Variants in TSHR observed in about 807,000 individuals in gnomAD.
TSHR encodes the protein thyroid stimulating hormone receptor.
TSHR carries 51 observed loss-of-function variants against 64.1 expected under a neutral mutation model. The observed-to-expected ratio is 0.80, with a 90% confidence interval of 0.64 to 1.01. TSHR has a LOEUF of 1.01. TSHR is among the 50% of genes least tolerant of loss of function. The pLI, the probability that TSHR is intolerant of heterozygous loss-of-function variation, is 0.00. For missense variants in TSHR, 877 were observed against 942.8 expected (o/e 0.93, Z 0.91); for synonymous variants, 361 against 361.9 (o/e 1.00, Z 0.03).
intron 1 of TSHR, among the ~76,000 whole-genome samples, chr14:80,958,473 C>T (rs1288951098): frequency 6.6e-6 from 1 of 152,056 alleles, no homozygotes; most frequent in East Asian, 1.9e-4. Flanking sequence ...AGAAAAAAGT[C>T]TGAAAACAAG....
At chr14:81,079,992 G>C (rs143433044) in intron 3 of TSHR, among the ~76,000 whole-genome samples, 2 of 151,744 alleles carry the variant, frequency 1.3e-5, no homozygotes, top group African/African-American at 4.8e-5. Context: ...TTGCTCTGTC[G>C]CCCAGGCTGG....
chr14:81,023,071 G>T (rs1303631482), intron 1 of TSHR, among the ~76,000 whole-genome samples: 4 of 152,100 alleles, frequency 2.6e-5, no homozygotes, highest in African/African-American at 7.2e-5. Context: ...TTTCTAGAAG[G>T]TGAGAAATAA....
At chr14:81,001,753 T>G in intron 1 of TSHR, 1 of 382,358 alleles carries the variant, frequency 2.6e-6, no homozygotes, top group South Asian at 2.1e-5. Flanking sequence ...ATTCTTGATT[T>G]GCCTGATTTT....
rs769777295 is a variant in TSHR at position 81,143,545 on chromosome 14, C to T, written c.1487C>T (p.Thr496Met). The change falls in exon 10 of 10, where the codon ACG becomes ATG. Residue 496 changes from threonine to methionine, a missense_variant. Thr to Met is a moderately conservative substitution (Grantham distance 81). Coordinates refer to ENST00000298171, the MANE Select transcript of TSHR (RefSeq NM_000369.5). ...IDWQTGPGCN[T>M]AGFFTVFASE... The stretch of plus-strand genomic sequence containing the variant: ...TGGCAGACAGGCCCTGGGTGCAACA[C>T]GGCTGGTTTCTTCACTGTCTTTGCA... 5.6e-6 allele frequency: 9 copies of T among 1,613,256 alleles called. No individual in the cohort carries two copies. Among genetic ancestry groups the T allele is most frequent in the African/African-American group, 1.3e-5 (1 of 74,932 alleles).
chr14:81,121,395 C>A (rs2140065148), intron 8 of TSHR, among the ~76,000 whole-genome samples: 1 of 152,256 alleles, frequency 6.6e-6, no homozygotes, highest in East Asian at 1.9e-4. Context: ...AACTACCAAT[C>A]AAGTATGATT....
rs563088122 is a variant in TSHR, at chr14:81,043,534, C to T, written c.171-18614C>T. On this transcript the variant is annotated intron_variant, in intron 1 of 9. Transcript: ENST00000298171. ...CCCAAAGTAATTTATAGATTCAATGCTATTCCCATTAAACTACCATTGACA... is the reference window on the plus strand; with the variant it reads ...CCCAAAGTAATTTATAGATTCAATGTTATTCCCATTAAACTACCATTGACA... 3.3e-5 allele frequency among the ~76,000 whole-genome samples: 5 copies of T among 152,212 alleles called. No homozygotes were observed. In the East Asian group the frequency reaches 7.7e-4, roughly 24 times the overall value.
chr14:81,130,304 G>A (rs1307180039), intron 8 of TSHR, among the ~76,000 whole-genome samples: 1 of 152,046 alleles, frequency 6.6e-6, no homozygotes, highest in East Asian at 1.9e-4. Flanking sequence ...TTCCCACCAT[G>A]CCACTAAAAC....
At chr14:80,988,845 T>C (rs912303090) in intron 1 of TSHR, among the ~76,000 whole-genome samples, 4 of 152,198 alleles carry the variant, frequency 2.6e-5, no homozygotes, top group African/African-American at 9.7e-5. Flanking sequence ...TTCTGACTGT[T>C]TAATGTGGGC....
At chr14:80,987,498 A>C (rs955656133) in intron 1 of TSHR, among the ~76,000 whole-genome samples, 3 of 152,096 alleles carry the variant, frequency 2.0e-5, no homozygotes, top group Non-Finnish European at 4.4e-5. Context: ...TGCATCCCAC[A>C]CTTTTTAAAA....
intron 7 of TSHR, among the ~76,000 whole-genome samples, chr14:81,102,005 A>G (rs1027216928): frequency 1.8e-4 from 27 of 152,000 alleles, no homozygotes; most frequent in African/African-American, 5.6e-4. Flanking sequence ...CCCCGTCTCT[A>G]CTAAAAATAC....
chr14:81,122,020 C>CTT (rs1161879777), intron 8 of TSHR, among the ~76,000 whole-genome samples: 2 of 44,904 alleles, frequency 4.5e-5, no homozygotes, highest in Non-Finnish European at 4.2e-5. Context: ...TTTTCTTTTC[C>CTT]TTTTTTTTTT....
chr14:80,968,143 T>C (rs1461474274), intron 1 of TSHR, among the ~76,000 whole-genome samples: 1 of 152,128 alleles, frequency 6.6e-6, no homozygotes, highest in Non-Finnish European at 1.5e-5. Flanking sequence ...GGTACAGGGC[T>C]GAGATGCAGT....
chr14:81,013,025 G>C (rs1240607442), intron 1 of TSHR: 1 of 152,166 alleles, frequency 6.6e-6, no homozygotes, highest in African/African-American at 2.4e-5. Flanking sequence ...CCATGCCTAT[G>C]TCCTGAATGG....
chr14:81,056,894 C>T (rs1233533429), intron 1 of TSHR, among the ~76,000 whole-genome samples: 1 of 152,170 alleles, frequency 6.6e-6, no homozygotes, highest in Admixed American at 6.5e-5. Flanking sequence ...GCAACACTGA[C>T]TAAAATTTAC....
chr14:81,096,503 T>C lies in TSHR; in HGVS notation c.546-136T>C, dbSNP rs879151909. On this transcript the variant is annotated intron_variant, in intron 6 of 9. Coordinates refer to ENST00000298171, the MANE Select transcript of TSHR (RefSeq NM_000369.5). ...AACAACTTGTACTGGAAAGTTTTCTTGTGGGATACATATGTGGGACCTGAA... is the reference window on the plus strand; with the variant it reads ...AACAACTTGTACTGGAAAGTTTTCTCGTGGGATACATATGTGGGACCTGAA... 2.8e-5 allele frequency: 22 copies of C among 798,658 alleles called. No homozygotes were observed. In the South Asian group the frequency reaches 3.1e-4, roughly 11 times the overall value. 49.5% of individuals were successfully genotyped at this position (798,658 alleles called of 1,614,324 possible). A position where few individuals can be genotyped will look rare whatever the true frequency, so the allele number is the denominator to read the frequency against.
rs1347451255 is a variant in TSHR, at chr14:80,955,691, C to A, written c.11C>A (p.Ala4Glu). The A allele has an allele frequency of 6.2e-7, 1 of 1,613,882 alleles. No individual in the cohort carries two copies. The highest frequency in any genetic ancestry group is 1.3e-5 in the African/African-American group (1 of 74,926). MRP[A>E]DLLQLVLLLD... ...CGAGTCCCGTGGAAAATGAGGCCGG[C>A]GGACTTGCTGCAGCTGGTGCTGCTG... The change falls in exon 1 of 10, where the codon GCG (alanine) becomes GAG (glutamate). Residue 4 changes from alanine (A) to glutamate (E), a missense_variant. Ala to Glu is a moderately radical substitution (Grantham distance 107, BLOSUM62 -1). Coordinates refer to ENST00000298171, the MANE Select transcript of TSHR (RefSeq NM_000369.5).
chr14:80,973,331 G>A (rs1352719230), intron 1 of TSHR, among the ~76,000 whole-genome samples: 1 of 147,314 alleles, frequency 6.8e-6, no homozygotes, highest in African/African-American at 2.5e-5. Flanking sequence ...CGTGAACCCC[G>A]GGGGGCGGAG....
intron 1 of TSHR, among the ~76,000 whole-genome samples, chr14:81,035,795 A>G (rs1221851425): frequency 6.6e-6 from 1 of 152,304 alleles, no homozygotes; most frequent in East Asian, 1.9e-4. Context: ...TGAATGCAGC[A>G]AACAAACCCG....
chr14:81,114,156 G>C (rs1283210406), intron 8 of TSHR, among the ~76,000 whole-genome samples: 2 of 147,174 alleles, frequency 1.4e-5, no homozygotes, highest in African/African-American at 2.5e-5. Flanking sequence ...CCTACAAAAA[G>C]TATCACTGGG....
Sources: allele counts gnomAD v4.1 joint callset (sites outside exome capture counted in the v4.1 genomes callset), GRCh38; gene constraint gnomAD v4.1.1; transcripts MANE v1.5; gene names NCBI Gene and HGNC (gene_info 2026-07-23, HGNC 2026-07-21).